Variants in GNPTAB observed in about 807,000 individuals in gnomAD.
GNPTAB encodes the protein N-acetylglucosamine-1-phosphotransferase subunits alpha/beta.
GNPTAB carries 92 observed loss-of-function variants against 136.6 expected under a neutral mutation model. The observed-to-expected ratio is 0.67, with a 90% CI of 0.57 to 0.80. The LOEUF (loss-of-function observed/expected upper bound fraction) is 0.80. Among genes scored for constraint, GNPTAB ranks in the 30% least tolerant of loss-of-function variants. The pLI, the probability that GNPTAB is intolerant of heterozygous loss-of-function variation, is 0.00. For synonymous variants in GNPTAB, 512 were observed against 535.1 expected, an observed-to-expected ratio of 0.96 and a Z score of 0.60; for missense variants, 1,343 against 1,501.8, an observed-to-expected ratio of 0.89 and a Z score of 1.75.
At chr12:101,778,461 G>C (rs1362380645) in intron 7 of GNPTAB, 1 of 152,180 alleles carries the variant, frequency 6.6e-6, no homozygotes, top group African/African-American at 2.4e-5. Context: ...TGGCTGAAAT[G>C]AAAGTTAATC....
chr12:101,812,002 A>T (rs1220043275), intron 1 of GNPTAB, among the ~76,000 whole-genome samples: 1 of 149,202 alleles, frequency 6.7e-6, no homozygotes, highest in Non-Finnish European at 1.5e-5. Context: ...CTGTAATCCC[A>T]GCACTTTGGG....
intron 19 of GNPTAB, among the ~76,000 whole-genome samples, chr12:101,750,439 G>C (rs1486960931): frequency 3.3e-5 from 5 of 152,206 alleles, no homozygotes; most frequent in African/African-American, 9.7e-5. Context: ...AGACAATGCA[G>C]AACTAAGCAG....
intron 7 of GNPTAB, among the ~76,000 whole-genome samples, chr12:101,775,364 T>C (rs907395160): frequency 1.1e-4 from 10 of 94,608 alleles, no homozygotes; most frequent in Non-Finnish European, 1.6e-4. Context: ...ATCTTTTTTT[T>C]CTTTTTTTTT....
At chr12:101,818,896 T>C (rs968748254) in intron 1 of GNPTAB, among the ~76,000 whole-genome samples, 1 of 152,228 alleles carries the variant, frequency 6.6e-6, no homozygotes, top group African/African-American at 2.4e-5. Context: ...GCAGTTCCTC[T>C]GCACATGCTC....
At chr12:101,822,285 A>T (rs755707588) in intron 1 of GNPTAB, among the ~76,000 whole-genome samples, 4 of 152,104 alleles carry the variant, frequency 2.6e-5, no homozygotes, top group Non-Finnish European at 5.9e-5. Context: ...AGGTGGCGGG[A>T]GCCTGTAGTC....
chr12:101,824,626 C>A (rs1870999669), intron 1 of GNPTAB, among the ~76,000 whole-genome samples: 1 of 150,986 alleles, frequency 6.6e-6, no homozygotes, highest in African/African-American at 2.4e-5. Flanking sequence ...ACCACCACGC[C>A]CAGTTAATTT....
chr12:101,746,744 G>GAAA lies in GNPTAB; in HGVS notation c.*417_*419dup. 6.4e-6 allele frequency: 1 copy of GAAA among 155,454 alleles called. No individual in the cohort carries two copies. Among genetic ancestry groups the GAAA allele is most frequent in the African/African-American group, 2.5e-5 (1 of 40,112 alleles). The allele number at this position is 155,454 out of a possible 1,614,324, so 9.6% of individuals were successfully genotyped here. A position where few individuals can be genotyped will look rare whatever the true frequency, so the allele number is the denominator to read the frequency against. On this transcript the variant is annotated 3_prime_UTR_variant, in exon 21 of 21. Coordinates refer to ENST00000299314, the MANE Select transcript of GNPTAB (RefSeq NM_024312.5). ...TAGTAACTACTTAAAAATGGGAAAT[G>GAAA]AAAAAAAAAAAGTGCAAAACTTTAG...
chr12:101,789,413 G>A (rs1868851537), intron 3 of GNPTAB, among the ~76,000 whole-genome samples: 2 of 152,198 alleles, frequency 1.3e-5, no homozygotes, highest in African/African-American at 4.8e-5. Flanking sequence ...GGATGGCACT[G>A]TGAAAATCAA....
intron 1 of GNPTAB, among the ~76,000 whole-genome samples, chr12:101,817,866 C>T (rs56027102): frequency 6.6e-6 from 1 of 152,140 alleles, no homozygotes; most frequent in Non-Finnish European, 1.5e-5. Context: ...CACCCCGTCT[C>T]CTGTTGCCCG....
At chr12:101,777,330 C>T (rs932532563) in intron 7 of GNPTAB, among the ~76,000 whole-genome samples, 3 of 152,208 alleles carry the variant, frequency 2.0e-5, no homozygotes, top group Admixed American at 2.0e-4. Context: ...CTGTGTCCTT[C>T]CACGGCCTAC....
At chr12:101,793,896 G>A (rs774596614) in intron 2 of GNPTAB, among the ~76,000 whole-genome samples, 58 of 152,234 alleles carry the variant, frequency 3.8e-4, no homozygotes, top group South Asian at 4.1e-4. Flanking sequence ...AGGCTGGAGT[G>A]CAGTGGTGCC....
chr12:101,816,443 A>T (rs10860791), intron 1 of GNPTAB, among the ~76,000 whole-genome samples: 14,962 of 152,296 alleles, frequency 0.098, 886 homozygotes, highest in Middle Eastern at 0.2. Context: ...AGGTATATTT[A>T]AAAATGCTCA....
chr12:101,791,200 T>C (rs1868968061), intron 2 of GNPTAB, among the ~76,000 whole-genome samples: 2 of 152,196 alleles, frequency 1.3e-5, no homozygotes, highest in African/African-American at 4.8e-5. Flanking sequence ...AGCCTCACCT[T>C]AGTGATTTTA....
intron 1 of GNPTAB, among the ~76,000 whole-genome samples, chr12:101,827,922 A>G (rs566865393): frequency 3.7e-4 from 57 of 152,198 alleles, no homozygotes; most frequent in Admixed American, 1.1e-3. Context: ...AGCTGAGATC[A>G]CCCCACTGCA....
intron 1 of GNPTAB, among the ~76,000 whole-genome samples, chr12:101,800,524 C>A (rs1476021480): frequency 7.0e-6 from 1 of 143,034 alleles, no homozygotes; most frequent in Admixed American, 7.5e-5. Context: ...TTTGGGAGGT[C>A]GTGGAGGGAG....
intron 6 of GNPTAB, 135 bp from the exon 7 acceptor site, chr12:101,780,421 A>AAATATTAGTAATTTTATTT (rs1953324570): frequency 9.0e-7 from 1 of 1,111,012 alleles, no homozygotes; most frequent in East Asian, 2.5e-5. Context: ...TACTTGAATC[A>AAATATTAGTAATTTTATTT]ACAGTCATTA....
intron 2 of GNPTAB, among the ~76,000 whole-genome samples, chr12:101,794,739 A>G (rs1381072287): frequency 6.6e-6 from 1 of 152,126 alleles, no homozygotes. Context: ...TGACCTCAAA[A>G]TCTGCATTTT....
chr12:101,750,424 G>A (rs1952799441), intron 19 of GNPTAB, among the ~76,000 whole-genome samples: 2 of 152,214 alleles, frequency 1.3e-5, no homozygotes, highest in Admixed American at 1.3e-4. Context: ...TGTCAGTGCA[G>A]TGAGAGACAA....
Position 101,789,928 on chromosome 12 carries a change from T to A in GNPTAB, c.323+10A>T, listed in dbSNP as rs1868882891. 2 of 1,613,230 alleles carry A rather than the reference T, an allele frequency of 1.2e-6. No homozygotes were observed. Among genetic ancestry groups the A allele is most frequent in the African/African-American group, 1.3e-5 (1 of 74,740 alleles). ...TACCCATCTGATGTGAAAAAAAAAA[T>A]CAGTTTTACCTCATTGCTTTCTGCT... On this transcript the variant is annotated intron_variant, in intron 3 of 20. Coordinates refer to ENST00000299314, the MANE Select transcript of GNPTAB (RefSeq NM_024312.5).
Sources: allele counts gnomAD v4.1 joint callset (sites outside exome capture counted in the v4.1 genomes callset), GRCh38; gene constraint gnomAD v4.1.1; transcripts MANE v1.5; gene names NCBI Gene and HGNC (gene_info 2026-07-23, HGNC 2026-07-21).